The following ZDHHC23 variants were observed in gnomAD, a reference collection of about 807,000 sequenced individuals.
ZDHHC23 encodes zDHHC palmitoyltransferase 23.
Under a neutral mutation model 40.2 loss-of-function variants are expected in ZDHHC23, and 41 were observed. That is an observed-to-expected ratio of 1.02 (90% CI 0.79 to 1.32). The LOEUF is 1.32. Among genes scored for constraint, ZDHHC23 ranks in the 40% most tolerant of loss-of-function variants. ZDHHC23 has a pLI of 0.00. For missense variants in ZDHHC23, 471 were observed against 541.5 expected, an observed-to-expected ratio of 0.87 and a Z score of 1.29; for synonymous variants, 204 against 210.2, an observed-to-expected ratio of 0.97 and a Z score of 0.26.
chr3:113,965,030 C>A (rs1939967135), downstream of ZDHHC23: 1 of 504,950 alleles, frequency 2.0e-6, no homozygotes, highest in East Asian at 3.2e-5. Context: ...AAAATAATTC[C>A]TTTGATCTAA....
chr3:113,959,873 CAAT>C lies in ZDHHC23; in HGVS notation c.*1246_*1248del. On this transcript the variant is annotated 3_prime_UTR_variant, in exon 5 of 5. Transcript: ENST00000638807. ...TACTGTTCTTCCCTGGCTCTTCCGA[CAAT>C]AACAAGTTGTTTCTTTAATCATATC... The C allele has an allele frequency of 1.0e-6, 1 of 998,332 alleles. No individual in the cohort carries two copies. The highest frequency in any genetic ancestry group is 4.5e-5 in the South Asian group (1 of 22,458). The allele number at this position is 998,332 out of a possible 1,614,324, so 61.8% of individuals were successfully genotyped here. A position where few individuals can be genotyped will look rare whatever the true frequency, so the allele number is the denominator to read the frequency against.
downstream of ZDHHC23, among the ~76,000 whole-genome samples, chr3:113,968,349 T>G (rs1460324206): frequency 6.6e-6 from 1 of 152,216 alleles, no homozygotes; most frequent in Non-Finnish European, 1.5e-5. Flanking sequence ...TGATATCGCA[T>G]TGTGGTTTTG....
Position 113,961,001 on chromosome 3 carries a change from A to G in ZDHHC23, c.*2371A>G. 2.4e-6 allele frequency: 1 copy of G among 421,010 alleles called. No individual in the cohort carries two copies. The highest frequency in any genetic ancestry group is 4.0e-5 in the East Asian group (1 of 24,874). 26.1% of individuals were successfully genotyped at this position (421,010 alleles called of 1,614,324 possible). A position where few individuals can be genotyped will look rare whatever the true frequency, so the allele number is the denominator to read the frequency against. On this transcript the variant is annotated 3_prime_UTR_variant, in exon 5 of 5. Coordinates refer to ENST00000638807, the MANE Select transcript of ZDHHC23 (RefSeq NM_001320466.2). ...GGTTTATAGGATTTTGGAGCCTTTTATGATCTGGAACTATTTGAGGGGTTT... is the reference window on the plus strand; with the variant it reads ...GGTTTATAGGATTTTGGAGCCTTTTGTGATCTGGAACTATTTGAGGGGTTT...
At chr3:113,955,189 C>T (rs1047418391) in intron 3 of ZDHHC23, among the ~76,000 whole-genome samples, 2 of 152,176 alleles carry the variant, frequency 1.3e-5, no homozygotes, top group African/African-American at 4.8e-5. Flanking sequence ...GTACCTCCTC[C>T]TCAGAAGGGG....
chr3:113,959,432 C>T lies in ZDHHC23; in HGVS notation c.*802C>T. 2 of 1,243,308 alleles carry T rather than the reference C, an allele frequency of 1.6e-6. No homozygotes were observed. Among genetic ancestry groups the T allele is most frequent in the Admixed American group, 4.7e-5 (2 of 42,774 alleles). 77.0% of individuals were successfully genotyped at this position (1,243,308 alleles called of 1,614,324 possible). On this transcript the variant is annotated 3_prime_UTR_variant, in exon 5 of 5. Coordinates refer to ENST00000638807, the MANE Select transcript of ZDHHC23 (RefSeq NM_001320466.2). ...CCATGAGTTTAGGTGATGAGTTCTT[C>T]TATTTATATTTTATAAATTCTGCTT...
chr3:113,971,677 G>C, the ZDHHC23 span, among the ~76,000 whole-genome samples: 1 of 152,062 alleles, frequency 6.6e-6, no homozygotes, highest in African/African-American at 2.4e-5. Flanking sequence ...TCAGGCTAAT[G>C]CTGGCCTGAT....
At chr3:113,955,359 CGTGTGTGTGTGTGT>C (rs68123933) in intron 3 of ZDHHC23, among the ~76,000 whole-genome samples, 14 of 147,408 alleles carry the variant, frequency 9.5e-5, no homozygotes, top group Admixed American at 2.7e-4. Flanking sequence ...TTCACTTATT[CGTGTGTGTGTGTGT>C]GTGTGTGTGT....
rs769519360 is a variant in ZDHHC23, at chr3:113,958,584, C to T, written c.1262C>T (p.Thr421Ile). The T allele has an allele frequency of 2.1e-5, 33 of 1,607,144 alleles. 1 individual carries two copies. In the Middle Eastern group the frequency reaches 2.6e-3, roughly 128 times the overall value. The change falls in exon 5 of 5, where the codon ACC becomes ATC. Residue 421 changes from threonine to isoleucine, a missense_variant. By Grantham distance (89) the Thr-to-Ile change is moderately conservative (BLOSUM62 -1). This residue lies in a region of ZDHHC23 where 346 missense variants were observed against 399.8 expected (regional missense o/e 0.87). Transcript: ENST00000638807. ...GFLRNWHQFSTLGTRAFHHPA... is the reference protein window; with the variant it reads ...GFLRNWHQFSILGTRAFHHPA... ...CTGCGGAACTGGCACCAGTTCTCCA[C>T]CCTGGGCACACGTGCATTCCACCAC...
Position 113,954,146 on chromosome 3 carries a change from G to C in ZDHHC23, c.608G>C (p.Arg203Thr). 1 of 1,614,218 alleles carries C rather than the reference G, an allele frequency of 6.2e-7. No individual in the cohort carries two copies. The highest frequency in any genetic ancestry group is 2.2e-5 in the East Asian group (1 of 44,888). Residue 203 changes from arginine (R) to threonine (T), a missense_variant, in exon 3 of 5, where the codon AGA becomes ACA. Physicochemically the swap from Arg to Thr is moderately conservative, Grantham distance 71. Coordinates refer to ENST00000638807, the MANE Select transcript of ZDHHC23 (RefSeq NM_001320466.2). The part of the protein sequence containing the change: ...GYLSNPASGD[R>T]SLSSSQLECL... ...CTCAGCAATCCAGCAAGCGGTGACAGATCTCTAAGCAGCAGCCAGCTGGAG... is the reference window on the plus strand; with the variant it reads ...CTCAGCAATCCAGCAAGCGGTGACACATCTCTAAGCAGCAGCCAGCTGGAG...
At chr3:113,964,952 A>G (rs1939962411), downstream of ZDHHC23, 1 of 391,784 alleles carries the variant, frequency 2.6e-6, no homozygotes, top group Admixed American at 4.4e-5. Flanking sequence ...GGATGATCCC[A>G]CTGTGATAAA....
At chr3:113,972,500 C>T in the ZDHHC23 span, among the ~76,000 whole-genome samples, 1 of 152,030 alleles carries the variant, frequency 6.6e-6, no homozygotes, top group African/African-American at 2.4e-5. Context: ...AAGATATGGT[C>T]TTATTATGGA....
chr3:113,977,388 C>T, the ZDHHC23 span, among the ~76,000 whole-genome samples: 2 of 152,050 alleles, frequency 1.3e-5, no homozygotes, highest in Non-Finnish European at 2.9e-5. Flanking sequence ...CATAATGACA[C>T]CAAATCACCA....
At position 113,960,021 on chromosome 3, in the gene ZDHHC23, A is replaced by G. The variant is rs1488995071; in HGVS notation, c.*1391A>G. 2.0e-6 allele frequency: 2 copies of G among 992,332 alleles called. No homozygotes were observed. Among genetic ancestry groups the G allele is most frequent in the Middle Eastern group, 5.2e-4 (1 of 1,918 alleles). The allele number at this position is 992,332 out of a possible 1,614,324, so 61.5% of individuals were successfully genotyped here. Reference sequence around the variant, plus strand: ...CCCTTTTGAAATGTTAGTTTTGAACATGTACTGTTGTGCAATCCCAAAGAT... The same window carrying G: ...CCCTTTTGAAATGTTAGTTTTGAACGTGTACTGTTGTGCAATCCCAAAGAT... On this transcript the variant is annotated 3_prime_UTR_variant, in exon 5 of 5. Transcript: ENST00000638807.
chr3:113,959,400 AGTGT>A lies in ZDHHC23; in HGVS notation c.*772_*775del. On this transcript the variant is annotated 3_prime_UTR_variant, in exon 5 of 5. Coordinates refer to ENST00000638807, the MANE Select transcript of ZDHHC23 (RefSeq NM_001320466.2). ...AAGATAATTATTGCTAGTGTAATGT[AGTGT>A]GGCCATGAGTTTAGGTGATGAGTTC... The A allele has an allele frequency of 8.4e-7, 1 of 1,194,562 alleles. No homozygotes were observed. The highest frequency in any genetic ancestry group is 1.1e-6 in the Non-Finnish European group (1 of 927,206). 74.0% of individuals were successfully genotyped at this position (1,194,562 alleles called of 1,614,324 possible).
chr3:113,956,450 A>C lies in ZDHHC23; in HGVS notation c.984A>C (p.Arg328Ser). Residue 328 changes from arginine to serine, a missense_variant, in exon 4 of 5, where the codon AGA (arginine) becomes AGC (serine). This residue lies in a region of ZDHHC23 where 346 missense variants were observed against 399.8 expected (regional missense o/e 0.87). Coordinates refer to ENST00000638807, the MANE Select transcript of ZDHHC23 (RefSeq NM_001320466.2). Reference sequence around the variant, plus strand: ...CACTGACCTTGGACACCATTTGTAGAGACAGAAGTGTCTTCACAGCTCTTT... The same window carrying C: ...CACTGACCTTGGACACCATTTGTAGCGACAGAAGTGTCTTCACAGCTCTTT... ...GITLTLDTIC[R>S]DRSVFTALFY... 6.2e-7 allele frequency: 1 copy of C among 1,614,174 alleles called. No individual in the cohort carries two copies. The highest frequency in any genetic ancestry group is 1.6e-4 in the Middle Eastern group (1 of 6,062).
At chr3:113,957,711 A>C (rs1379869832) in intron 4 of ZDHHC23, 2 of 517,870 alleles carry the variant, frequency 3.9e-6, no homozygotes, top group South Asian at 2.8e-5. Flanking sequence ...TTAATTTGCG[A>C]ATGTTGGAAA....
the ZDHHC23 span, among the ~76,000 whole-genome samples, chr3:113,975,529 G>A: frequency 3.9e-5 from 6 of 152,134 alleles, no homozygotes; most frequent in Non-Finnish European, 7.3e-5. Context: ...TATGTACTGA[G>A]CGCTGTCATA....
intron 2 of ZDHHC23, among the ~76,000 whole-genome samples, chr3:113,951,675 G>T (rs973534578): frequency 6.6e-6 from 1 of 152,148 alleles, no homozygotes; most frequent in Admixed American, 6.5e-5. Flanking sequence ...TGCCTTCAGG[G>T]TCCTTCCATT....
chr3:113,968,956 A>T (rs1235640029), downstream of ZDHHC23, among the ~76,000 whole-genome samples: 45 of 152,158 alleles, frequency 3.0e-4, no homozygotes. Flanking sequence ...TGGCACTAGC[A>T]TCTGTTTCTA....
Sources: gnomAD v4.1 joint callset for allele counts (sites outside exome capture counted in the v4.1 genomes callset) on GRCh38, gnomAD v4.1.1 for gene constraint, gnomAD v4.1.1 regional missense constraint, MANE v1.5 for transcripts, NCBI Gene and HGNC (gene_info 2026-07-23, HGNC 2026-07-21) for gene names.